Variants in AGTPBP1 observed in about 807,000 individuals in gnomAD.
The protein encoded by AGTPBP1 is ATP/GTP binding carboxypeptidase 1, also known as cytosolic carboxypeptidase 1.
AGTPBP1 carries 70 observed loss-of-function variants against 143.9 expected under a neutral mutation model. The ratio of observed to expected loss-of-function variants is 0.49; its 90% CI spans 0.40 to 0.59. The LOEUF (loss-of-function observed/expected upper bound fraction) is 0.59, where lower values mean the gene tolerates loss of function less well. AGTPBP1 is among the 20% of genes least tolerant of loss of function. The pLI is 0.00. For missense variants in AGTPBP1, 1,229 were observed against 1,464.5 expected, an observed-to-expected ratio of 0.84 and a Z score of 2.62; for synonymous variants, 463 against 500.2, an observed-to-expected ratio of 0.93 and a Z score of 0.99.
chr9:85,724,286 CAAAAA>C (rs56269636), intron 1 of AGTPBP1, among the ~76,000 whole-genome samples: 3 of 77,788 alleles, frequency 3.9e-5, no homozygotes, highest in African/African-American at 4.3e-5. Context: ...GACTTTGTCT[CAAAAA>C]AAAAAAAAAA....
chr9:85,723,902 G>C (rs1441644492), intron 1 of AGTPBP1, among the ~76,000 whole-genome samples: 7 of 152,154 alleles, frequency 4.6e-5, no homozygotes, highest in African/African-American at 1.7e-4. Context: ...ACAATGAAAA[G>C]GCACCATCTA....
the AGTPBP1 span, among the ~76,000 whole-genome samples, chr9:85,787,523 A>C: frequency 1.3e-5 from 2 of 152,138 alleles, no homozygotes; most frequent in Non-Finnish European, 2.9e-5. Flanking sequence ...CTGGGGCTGT[A>C]AATATGTCAA....
chr9:85,657,409 A>G, intron 10 of AGTPBP1, 26 bp downstream of exon 10: 1 of 1,555,450 alleles, frequency 6.4e-7, no homozygotes. Context: ...GTACATAATC[A>G]CAATAATAAG....
At chr9:85,583,365 T>C (rs1030111191) in intron 23 of AGTPBP1, among the ~76,000 whole-genome samples, 1 of 152,082 alleles carries the variant, frequency 6.6e-6, no homozygotes, top group African/African-American at 2.4e-5. Context: ...CATGCGCACC[T>C]GCCCTACAAC....
At chr9:85,652,820 CTTGTAA>C (rs1833251435) in intron 11 of AGTPBP1, among the ~76,000 whole-genome samples, 1 of 152,142 alleles carries the variant, frequency 6.6e-6, no homozygotes, top group Non-Finnish European at 1.5e-5. Flanking sequence ...GTAGTCCAGA[CTTGTAA>C]TTGTTATCTG....
At chr9:85,560,950 A>G (rs1826673405) in intron 25 of AGTPBP1, among the ~76,000 whole-genome samples, 1 of 152,202 alleles carries the variant, frequency 6.6e-6, no homozygotes, top group African/African-American at 2.4e-5. Flanking sequence ...AAACTGATAG[A>G]AGACATGAAG....
At chr9:85,642,623 C>G (rs947399530) in intron 13 of AGTPBP1, among the ~76,000 whole-genome samples, 1 of 151,576 alleles carries the variant, frequency 6.6e-6, no homozygotes, top group Admixed American at 6.6e-5. Flanking sequence ...TGAGCCACCA[C>G]GCCCGGCCCA....
At chr9:85,710,081 C>T (rs1457700840) in intron 2 of AGTPBP1, among the ~76,000 whole-genome samples, 1 of 152,122 alleles carries the variant, frequency 6.6e-6, no homozygotes, top group Non-Finnish European at 1.5e-5. Context: ...TTTAACACTT[C>T]ACTATATACT....
intron 11 of AGTPBP1, among the ~76,000 whole-genome samples, chr9:85,651,074 GTC>G (rs1833136005): frequency 6.6e-6 from 1 of 152,176 alleles, no homozygotes; most frequent in African/African-American, 2.4e-5. Context: ...CAATCTGGGA[GTC>G]TCTTTCCTTC....
At chr9:85,690,332 T>C (rs1161309386) in intron 3 of AGTPBP1, among the ~76,000 whole-genome samples, 1 of 152,200 alleles carries the variant, frequency 6.6e-6, no homozygotes, top group African/African-American at 2.4e-5. Flanking sequence ...TTATACTGTG[T>C]TGGTTGGCTA....
Position 85,610,675 on chromosome 9 carries a change from C to G in AGTPBP1, c.2335+8308G>C, listed in dbSNP as rs80053422. Among the ~76,000 whole-genome samples the G allele has an allele frequency of 7.2e-3, 1,090 of 152,236 alleles. 20 individuals are homozygous for G. The highest frequency in any genetic ancestry group is 0.024 in the African/African-American group (1,015 of 41,520). ...AAAAAATTACAGACAATAAGCTACTCTCCTAACTGATACTACTTCCTCATT... is the reference window on the plus strand; with the variant it reads ...AAAAAATTACAGACAATAAGCTACTGTCCTAACTGATACTACTTCCTCATT... On this transcript the variant is annotated intron_variant, in intron 17 of 25. Transcript: ENST00000357081.
intron 17 of AGTPBP1, among the ~76,000 whole-genome samples, chr9:85,609,051 T>A (rs1830154601): frequency 1.3e-5 from 2 of 152,140 alleles, no homozygotes; most frequent in Admixed American, 1.3e-4. Flanking sequence ...AAAACAAGAA[T>A]AAAGCCTGTG....
At chr9:85,797,674 T>A in the AGTPBP1 span, among the ~76,000 whole-genome samples, 1 of 151,948 alleles carries the variant, frequency 6.6e-6, no homozygotes, top group Non-Finnish European at 1.5e-5. Flanking sequence ...GGAAGAAGAA[T>A]TGTCTTGGGC....
At chr9:85,783,337 T>C in the AGTPBP1 span, among the ~76,000 whole-genome samples, 9 of 152,340 alleles carry the variant, frequency 5.9e-5, no homozygotes, top group Admixed American at 3.3e-4. Flanking sequence ...GTATAGTCAT[T>C]ATAGAAAAAT....
chr9:85,767,629 A>G, the AGTPBP1 span, among the ~76,000 whole-genome samples: 4 of 150,814 alleles, frequency 2.7e-5, no homozygotes, highest in Admixed American at 2.6e-4. Flanking sequence ...TACAGGCGTA[A>G]GCCACCGCGC....
intron 22 of AGTPBP1, 74 bp from the exon 23 acceptor site, chr9:85,585,668 G>A (rs1828558386): frequency 8.0e-7 from 1 of 1,243,236 alleles, no homozygotes. Context: ...TTAATATCAA[G>A]CCAATAAACA....
chr9:85,602,936 C>T (rs1221565802), intron 17 of AGTPBP1, among the ~76,000 whole-genome samples: 2 of 152,194 alleles, frequency 1.3e-5, no homozygotes, highest in Non-Finnish European at 2.9e-5. Context: ...AGGCAGAACT[C>T]AGCCGGTGTT....
chr9:85,636,476 T>C (rs1832059812), intron 13 of AGTPBP1, among the ~76,000 whole-genome samples: 1 of 152,002 alleles, frequency 6.6e-6, no homozygotes, highest in Non-Finnish European at 1.5e-5. Context: ...TTGGCCATGG[T>C]CTCGATCTCC....
intron 1 of AGTPBP1, among the ~76,000 whole-genome samples, chr9:85,721,766 T>G (rs368461799): frequency 6.6e-6 from 1 of 150,792 alleles, no homozygotes; most frequent in Non-Finnish European, 1.5e-5. Context: ...TTCATAGCAT[T>G]GATGGTCTTT....
Sources: allele counts gnomAD v4.1 joint callset (sites outside exome capture counted in the v4.1 genomes callset), GRCh38; gene constraint gnomAD v4.1.1; transcripts MANE v1.5; gene names NCBI Gene and HGNC (gene_info 2026-07-23, HGNC 2026-07-21).